ZNF621: variants seen among roughly 807,000 people sequenced by gnomAD.
ZNF621 encodes the protein zinc finger protein 621.
ZNF621 carries 6 observed loss-of-function variants against 12.7 expected under a neutral mutation model. The ratio of observed to expected loss-of-function variants is 0.47; its 90% confidence interval spans 0.26 to 0.93. The LOEUF is 0.93. Ranked by LOEUF, ZNF621 falls within the 40% of genes least tolerant of loss-of-function variation. ZNF621 has a pLI of 0.15. For missense variants in ZNF621, 474 were observed against 524.0 expected (o/e 0.90, Z 0.93); for synonymous variants, 156 against 190.3 (o/e 0.82, Z 1.48).
At chr3:40,528,339 T>G (rs909683582) in intron 2 of ZNF621, among the ~76,000 whole-genome samples, 1 of 152,238 alleles carries the variant, frequency 6.6e-6, no homozygotes, top group Non-Finnish European at 1.5e-5. Context: ...CGTTTTGTTT[T>G]AGTGCTGAAT....
At chr3:40,528,076 T>C (rs1459255810) in intron 2 of ZNF621, among the ~76,000 whole-genome samples, 1 of 152,214 alleles carries the variant, frequency 6.6e-6, no homozygotes, top group African/African-American at 2.4e-5. Flanking sequence ...TATCCACTAT[T>C]ATAGTATTAT....
Position 40,535,149 on chromosome 3 carries a change from A to C in ZNF621, c.*2059A>C, listed in dbSNP as rs933539903. On this transcript the variant is annotated 3_prime_UTR_variant, in exon 5 of 5. Transcript: ENST00000339296. ...GCTGCGCCTTCAGCCCCGTGCTAGAATGAGAACATATGGAGCCAACTTGAG... is the reference window on the plus strand; with the variant it reads ...GCTGCGCCTTCAGCCCCGTGCTAGACTGAGAACATATGGAGCCAACTTGAG... The C allele has an allele frequency of 6.6e-6, 1 of 152,242 alleles. No individual in the cohort carries two copies. Among genetic ancestry groups the C allele is most frequent in the Admixed American group, 6.5e-5 (1 of 15,280 alleles). 9.4% of individuals were successfully genotyped at this position (152,242 alleles called of 1,614,324 possible).
At chr3:40,525,701 T>G in intron 1 of ZNF621, 78 bp from the exon 2 acceptor site, 1 of 1,123,028 alleles carries the variant, frequency 8.9e-7, no homozygotes, top group Non-Finnish European at 1.3e-6. Flanking sequence ...GCTGGAAATG[T>G]GGAAACTGGG....
rs1333162606 is a variant in ZNF621 at position 40,535,919 on chromosome 3, G to A, written c.*2829G>A. 6.6e-6 allele frequency: 1 copy of A among 152,054 alleles called. No homozygotes were observed. Among genetic ancestry groups the A allele is most frequent in the Non-Finnish European group, 1.5e-5 (1 of 68,022 alleles). The allele number at this position is 152,054 out of a possible 1,614,324, so 9.4% of individuals were successfully genotyped here. On this transcript the variant is annotated 3_prime_UTR_variant, in exon 5 of 5. Transcript: ENST00000339296. ...TTAAAAACAATATAAAAATTCCAGA[G>A]GGGTGTGTGTATAGAGAGGCAAAGG...
chr3:40,525,909 T>A lies in ZNF621; in HGVS notation c.24+45T>A, dbSNP rs201849377. 2.8e-5 allele frequency: 45 copies of A among 1,608,440 alleles called. 1 individual carries two copies. In the African/African-American group the frequency reaches 5.4e-4, roughly 19 times the overall value. ...GTTTTTTTGTTTGTTTGTTTATGTT[T>A]TTTTACTCACATTAGCTATCAGATA... On this transcript the variant is annotated intron_variant, in intron 2 of 4. Coordinates refer to ENST00000339296, the MANE Select transcript of ZNF621 (RefSeq NM_198484.5).
chr3:40,532,229 T>C lies in ZNF621; in HGVS notation c.459T>C (p.Cys153=), dbSNP rs143573122. The part of the protein sequence containing the change: ...ILRGGMKFYE[C]KECGKIFRYN... The stretch of plus-strand genomic sequence containing the variant: ...GAGGTGGAATGAAGTTCTATGAATG[T>C]AAAGAATGTGGGAAAATCTTCCGAT... Residue 153 remains cysteine, a synonymous_variant, in exon 5 of 5, where the codon TGT becomes TGC. Transcript: ENST00000339296. The C allele has an allele frequency of 1.5e-5, 24 of 1,614,034 alleles. No individual in the cohort carries two copies. The highest frequency in any genetic ancestry group is 1.9e-5 in the Non-Finnish European group (22 of 1,180,048).
In ZNF621 at chr3:40,534,458, G is replaced by A. The variant is rs1284984802; in HGVS notation, c.*1368G>A. On this transcript the variant is annotated 3_prime_UTR_variant, in exon 5 of 5. Coordinates refer to ENST00000339296, the MANE Select transcript of ZNF621 (RefSeq NM_198484.5). ...AAACAGTAAGTCCTAAGCTTTGATG[G>A]AAGGGTCCATACATTTTTTTTTTTT... The A allele has an allele frequency of 7.2e-6, 1 of 139,170 alleles. No homozygotes were observed. The highest frequency in any genetic ancestry group is 2.3e-4 in the East Asian group (1 of 4,390). The allele number at this position is 139,170 out of a possible 1,614,324, so 8.6% of individuals were successfully genotyped here.
Position 40,532,307 on chromosome 3 carries a change from T to G in ZNF621, c.537T>G (p.Phe179Leu). ...HQMSHTGEKPFKCKECGKAFK... is the reference protein window; with the variant it reads ...HQMSHTGEKPLKCKECGKAFK... ...TGAGTCATACTGGGGAAAAGCCCTTTAAGTGTAAGGAGTGTGGCAAAGCTT... is the reference window on the plus strand; with the variant it reads ...TGAGTCATACTGGGGAAAAGCCCTTGAAGTGTAAGGAGTGTGGCAAAGCTT... Residue 179 changes from phenylalanine (F) to leucine (L), a missense_variant, in exon 5 of 5, where the codon TTT (phenylalanine) becomes TTG (leucine). By Grantham distance (22) the Phe-to-Leu change is conservative (BLOSUM62 0). Transcript: ENST00000339296. 1 of 1,612,676 alleles carries G rather than the reference T, an allele frequency of 6.2e-7. No homozygotes were observed. Among genetic ancestry groups the G allele is most frequent in the Non-Finnish European group, 8.5e-7 (1 of 1,180,030 alleles).
chr3:40,529,454 T>G lies in ZNF621; in HGVS notation c.151+9T>G. On this transcript the variant is annotated intron_variant, in intron 3 of 4. Transcript: ENST00000339296. ...AAATGTGGCTTCTCTGGGTAAGGCC[T>G]CCCTCTGTGGCCCTTTGTAACAGTT... 1 of 1,612,396 alleles carries G rather than the reference T, an allele frequency of 6.2e-7. No homozygotes were observed. The highest frequency in any genetic ancestry group is 8.5e-7 in the Non-Finnish European group (1 of 1,178,880).
Position 40,537,221 on chromosome 3 carries a change from G to C in ZNF621, c.*4131G>C, listed in dbSNP as rs1337063459. ...AACAGCTGAGATAGGCCAAAAGCTA[G>C]ACTGCTTCTGCCAAACAGTCAAGTT... On this transcript the variant is annotated 3_prime_UTR_variant, in exon 5 of 5. Coordinates refer to ENST00000339296, the MANE Select transcript of ZNF621 (RefSeq NM_198484.5). 6.6e-6 allele frequency: 1 copy of C among 152,236 alleles called. No individual in the cohort carries two copies. The highest frequency in any genetic ancestry group is 1.9e-4 in the East Asian group (1 of 5,200). 9.4% of individuals were successfully genotyped at this position (152,236 alleles called of 1,614,324 possible).
Position 40,532,537 on chromosome 3 carries a change from T to C in ZNF621, c.767T>C (p.Leu256Ser). 1 of 1,614,138 alleles carries C rather than the reference T, an allele frequency of 6.2e-7. No homozygotes were observed. Among genetic ancestry groups the C allele is most frequent in the Non-Finnish European group, 8.5e-7 (1 of 1,180,026 alleles). ...GCGGCATACCTGCAGCATCAGAGATTACACACGGGAGAGAAACTCTATAAA... is the reference window on the plus strand; with the variant it reads ...GCGGCATACCTGCAGCATCAGAGATCACACACGGGAGAGAAACTCTATAAA... ...RSAAYLQHQR[L>S]HTGEKLYKCK... is the part of the protein sequence containing the mutation. Residue 256 changes from leucine (L) to serine (S), a missense_variant, in exon 5 of 5, where the codon TTA (leucine) becomes TCA (serine). Leu to Ser is a moderately radical substitution (Grantham distance 145, BLOSUM62 -2). Coordinates refer to ENST00000339296, the MANE Select transcript of ZNF621 (RefSeq NM_198484.5).
chr3:40,533,261 C>A lies in ZNF621; in HGVS notation c.*171C>A. ...GTTCAAGCGATTCTCCTCCTTCAGA[C>A]TCTCGAATAGCTGGGATTACAGGCA... On this transcript the variant is annotated 3_prime_UTR_variant, in exon 5 of 5. Transcript: ENST00000339296. 9.1e-7 allele frequency: 1 copy of A among 1,095,462 alleles called. No individual in the cohort carries two copies. Among genetic ancestry groups the A allele is most frequent in the Non-Finnish European group, 1.3e-6 (1 of 795,360 alleles). 67.9% of individuals were successfully genotyped at this position (1,095,462 alleles called of 1,614,324 possible). A position where few individuals can be genotyped will look rare whatever the true frequency, so the allele number is the denominator to read the frequency against.
Position 40,533,014 on chromosome 3 carries a change from T to G in ZNF621, c.1244T>G (p.Val415Gly), listed in dbSNP as rs1404247462. 7 of 1,551,774 alleles carry G rather than the reference T, an allele frequency of 4.5e-6. No homozygotes were observed. In the South Asian group the frequency reaches 4.8e-5, roughly 11 times the overall value. Residue 415 changes from valine (V) to glycine (G), a missense_variant, in exon 5 of 5, where the codon GTG (valine) becomes GGG (glycine). Coordinates refer to ENST00000339296, the MANE Select transcript of ZNF621 (RefSeq NM_198484.5). ...ATACCTTCTTCATCTGCCCAAATAG[T>G]GCGTGTCTTCCAGGGTCTTACTCCC... ...SGIPSSSAQIVRVFQGLTPTV... is the reference protein window; with the variant it reads ...SGIPSSSAQIGRVFQGLTPTV...
At position 40,526,190 on chromosome 3, in the gene ZNF621, C is replaced by T. The variant is rs539829651; in HGVS notation, c.24+326C>T. ...GAAATCAGACTCATTTTTTGTGAGA[C>T]GGAGTCTCACTCTGTCGCCCAAGCT... On this transcript the variant is annotated intron_variant, in intron 2 of 4. Transcript: ENST00000339296. 5.9e-5 allele frequency among the ~76,000 whole-genome samples: 9 copies of T among 152,264 alleles called. No individual in the cohort carries two copies. In the South Asian group the frequency reaches 1.0e-3, roughly 18 times the overall value.
rs368408612 is a variant in ZNF621, at chr3:40,532,791, C to T, written c.1021C>T (p.His341Tyr). The change falls in exon 5 of 5, where the codon CAC becomes TAC. Residue 341 changes from histidine (H) to tyrosine (Y), a missense_variant. Transcript: ENST00000339296. Reference protein sequence around the residue: ...YGSFVQHQKLHPVEKKPVKVL... With the variant: ...YGSFVQHQKLYPVEKKPVKVL... The stretch of plus-strand genomic sequence containing the variant: ...AAGTTTTGTTCAGCATCAGAAATTG[C>T]ACCCTGTGGAGAAGAAGCCAGTCAA... 5.6e-6 allele frequency: 9 copies of T among 1,614,098 alleles called. No individual in the cohort carries two copies. The East Asian group carries it at 6.7e-5, about 12-fold the overall frequency.
At chr3:40,527,060 C>T (rs914512612) in intron 2 of ZNF621, among the ~76,000 whole-genome samples, 1 of 152,172 alleles carries the variant, frequency 6.6e-6, no homozygotes, top group Non-Finnish European at 1.5e-5. Context: ...CTGCAACACC[C>T]AGGCTAGAGT....
intron 2 of ZNF621, among the ~76,000 whole-genome samples, chr3:40,527,442 C>T (rs1349353539): frequency 8.5e-5 from 13 of 152,156 alleles, no homozygotes; most frequent in Non-Finnish European, 1.8e-4. Flanking sequence ...AGCAATTCTC[C>T]TACCTCAGCC....
rs1559563721 is a variant in ZNF621, at chr3:40,539,555, T to C, written c.*6465T>C. The C allele has an allele frequency of 6.6e-6, 1 of 152,240 alleles. No homozygotes were observed. The highest frequency in any genetic ancestry group is 1.5e-5 in the Non-Finnish European group (1 of 68,038). The allele number at this position is 152,240 out of a possible 1,614,324, so 9.4% of individuals were successfully genotyped here. A position where few individuals can be genotyped will look rare whatever the true frequency, so the allele number is the denominator to read the frequency against. Reference sequence around the variant, plus strand: ...ATAAAAATAATTGTGTGACTCCCTTTATTGTGTTAAACATTTTATTACAGT... The same window carrying C: ...ATAAAAATAATTGTGTGACTCCCTTCATTGTGTTAAACATTTTATTACAGT... On this transcript the variant is annotated 3_prime_UTR_variant, in exon 5 of 5. Transcript: ENST00000339296.
intron 3 of ZNF621, among the ~76,000 whole-genome samples, chr3:40,529,768 G>A (rs370503417): frequency 3.3e-5 from 5 of 152,142 alleles, no homozygotes; most frequent in Admixed American, 2.6e-4. Flanking sequence ...GACTATAGGC[G>A]TGTGCCACTG....
Sources: gnomAD v4.1 joint callset for allele counts (sites outside exome capture counted in the v4.1 genomes callset) on GRCh38, gnomAD v4.1.1 for gene constraint, MANE v1.5 for transcripts, NCBI Gene and HGNC (gene_info 2026-07-23, HGNC 2026-07-21) for gene names.